The following WASHC4 variants were observed in gnomAD, a reference collection of about 807,000 sequenced individuals.
WASHC4 encodes the protein WASH complex subunit 7.
In WASHC4, 86 loss-of-function variants were observed where a neutral mutation model predicts 166.6. The ratio of observed to expected loss-of-function variants is 0.52; its 90% CI spans 0.43 to 0.62. WASHC4 has a LOEUF of 0.62. Among genes scored for constraint, WASHC4 ranks in the 20% least tolerant of loss-of-function variants. WASHC4 has a pLI of 0.00. For missense variants in WASHC4, 1,262 were observed against 1,382.4 expected (o/e 0.91, Z 1.38); for synonymous variants, 446 against 451.6 (o/e 0.99, Z 0.16).
rs200858049 is a variant in WASHC4, at chr12:105,147,077, G to A, written c.2445G>A (p.Leu815=). 14 of 1,610,834 alleles carry A rather than the reference G, an allele frequency of 8.7e-6. 1 individual carries two copies. ...AACGAACAAGCAATAACAAGCATTT[G>A]AATACTATTAATATTCGGCATATTG... ...FIERTSNNKH[L]NTINIRHIAN... is the part of the protein sequence containing the mutation. Residue 815 remains leucine, a synonymous_variant, in exon 24 of 33, where the codon TTG becomes TTA. Coordinates refer to ENST00000332180, the MANE Select transcript of WASHC4 (RefSeq NM_015275.3).
rs1463227832 is a variant in WASHC4, at chr12:105,149,650, C to T, written c.2550C>T (p.Phe850=). The change falls in exon 25 of 33, where the codon TTC becomes TTT. Residue 850 remains phenylalanine, a synonymous_variant. Transcript: ENST00000332180. Reference sequence around the variant, plus strand: ...CCTACCAGTTTTTGAAAAAGAAGTTCTATATATTTAGCCAATTTATGTATG... The same window carrying T: ...CCTACCAGTTTTTGAAAAAGAAGTTTTATATATTTAGCCAATTTATGTATG... The part of the protein sequence containing the change: ...NFTYQFLKKK[F]YIFSQFMYDE... 6.5e-7 allele frequency: 1 copy of T among 1,540,708 alleles called. No homozygotes were observed. The highest frequency in any genetic ancestry group is 1.1e-5 in the South Asian group (1 of 87,274).
At chr12:105,160,533 T>G (rs1447850597) in intron 29 of WASHC4, among the ~76,000 whole-genome samples, 1 of 152,018 alleles carries the variant, frequency 6.6e-6, no homozygotes, top group Non-Finnish European at 1.5e-5. Flanking sequence ...TTTTCTTTTT[T>G]AAGATATGGG....
intron 32 of WASHC4, among the ~76,000 whole-genome samples, chr12:105,166,073 A>G (rs995716361): frequency 2.0e-5 from 3 of 152,212 alleles, no homozygotes; most frequent in Admixed American, 2.0e-4. Context: ...CTTTCAGGCT[A>G]AAGCATTAAA....
chr12:105,108,289 TC>T (rs1396440004), intron 1 of WASHC4, among the ~76,000 whole-genome samples: 1 of 152,232 alleles, frequency 6.6e-6, no homozygotes, highest in Non-Finnish European at 1.5e-5. Flanking sequence ...TGTTTCGGTT[TC>T]CTGTTTTTCT....
At chr12:105,110,043 C>T (rs1191512695) in intron 1 of WASHC4, among the ~76,000 whole-genome samples, 1 of 152,136 alleles carries the variant, frequency 6.6e-6, no homozygotes, top group African/African-American at 2.4e-5. Context: ...AGAACACCTC[C>T]CTGTGCTTGG....
chr12:105,132,108 A>G (rs1881878637), intron 13 of WASHC4, among the ~76,000 whole-genome samples: 1 of 152,220 alleles, frequency 6.6e-6, no homozygotes, highest in Non-Finnish European at 1.5e-5. Flanking sequence ...AAGATTTTAA[A>G]AGAGTTGGTA....
chr12:105,113,935 A>G (rs1032827405), intron 2 of WASHC4, among the ~76,000 whole-genome samples: 3 of 152,052 alleles, frequency 2.0e-5, no homozygotes, highest in Non-Finnish European at 4.4e-5. Context: ...TAATAATGTT[A>G]CTATTACCTT....
intron 1 of WASHC4, among the ~76,000 whole-genome samples, chr12:105,108,308 C>T (rs576555147): frequency 6.6e-6 from 1 of 152,356 alleles, no homozygotes; most frequent in East Asian, 1.9e-4. Flanking sequence ...TCTTCTTTTC[C>T]TCCCAAATCA....
At chr12:105,111,379 G>A in intron 2 of WASHC4, 115 bp downstream of exon 2, 1 of 699,024 alleles carries the variant, frequency 1.4e-6, no homozygotes. Context: ...AGAACAAAAT[G>A]AAAGTTGGAG....
rs753137614 is a variant in WASHC4 at position 105,142,445 on chromosome 12, C to CA, written c.1788-7dup. Reference sequence around the variant, plus strand: ...TTTGGTGTGACTGATTACTACTTTACATTGTAGAGTCCAAACACAATGTGA... The same window carrying CA: ...TTTGGTGTGACTGATTACTACTTTACAATTGTAGAGTCCAAACACAATGTGA... On this transcript the variant is annotated splice_polypyrimidine_tract_variant and splice_region_variant and intron_variant, in intron 18 of 32. Transcript: ENST00000332180. The CA allele has an allele frequency of 3.9e-6, 6 of 1,543,198 alleles. No homozygotes were observed. The highest frequency in any genetic ancestry group is 2.2e-5 in the South Asian group (2 of 89,692).
intron 15 of WASHC4, 41 bp downstream of exon 15, chr12:105,138,052 A>C: frequency 6.3e-7 from 1 of 1,592,644 alleles, no homozygotes; most frequent in Non-Finnish European, 8.6e-7. Context: ...ATAATTGAGA[A>C]ATGACCCAGG....
intron 12 of WASHC4, 129 bp downstream of exon 12, chr12:105,126,491 G>C (rs1309769561): frequency 6.9e-6 from 5 of 724,348 alleles, no homozygotes; most frequent in Non-Finnish European, 1.1e-5. Flanking sequence ...TAAAATTCAA[G>C]TATTCCAGAA....
At position 105,122,114 on chromosome 12, in the gene WASHC4, C is replaced by T. The variant is rs1162821428; in HGVS notation, c.666-4C>T. ...TTAAGATGTTTCTCTTAATTTTCCTCAAGGTTACTGAAATCTGTCCATCAC... is the reference window on the plus strand; with the variant it reads ...TTAAGATGTTTCTCTTAATTTTCCTTAAGGTTACTGAAATCTGTCCATCAC... On this transcript the variant is annotated splice_region_variant and splice_polypyrimidine_tract_variant and intron_variant, in intron 9 of 32. Transcript: ENST00000332180. 10 of 1,589,676 alleles carry T rather than the reference C, an allele frequency of 6.3e-6. No individual in the cohort carries two copies. Among genetic ancestry groups the T allele is most frequent in the East Asian group, 2.2e-5 (1 of 44,626 alleles).
chr12:105,145,943 G>C (rs971530270), intron 22 of WASHC4, among the ~76,000 whole-genome samples: 18 of 152,208 alleles, frequency 1.2e-4, no homozygotes, highest in African/African-American at 4.3e-4. Flanking sequence ...CTGCTGCCTA[G>C]CTATTTTGCC....
chr12:105,151,596 C>A (rs920578659), intron 25 of WASHC4, among the ~76,000 whole-genome samples: 3 of 152,096 alleles, frequency 2.0e-5, no homozygotes, highest in African/African-American at 2.4e-5. Context: ...ATTCTCCTGC[C>A]TCAGCCCCCT....
intron 32 of WASHC4, among the ~76,000 whole-genome samples, chr12:105,165,075 ATG>A (rs1284503613): frequency 6.6e-6 from 1 of 152,226 alleles, no homozygotes; most frequent in Non-Finnish European, 1.5e-5. Context: ...GGACAGCTAA[ATG>A]TTGCTGAAGG....
At chr12:105,156,166 T>C (rs1884149367) in intron 26 of WASHC4, among the ~76,000 whole-genome samples, 1 of 152,192 alleles carries the variant, frequency 6.6e-6, no homozygotes. Flanking sequence ...CTTGAGCAAC[T>C]GAAAGGATAG....
At chr12:105,114,158 T>C in intron 2 of WASHC4, 58 bp from the exon 3 acceptor site, 1 of 1,516,412 alleles carries the variant, frequency 6.6e-7, no homozygotes, top group Non-Finnish European at 9.1e-7. Flanking sequence ...ATTTGTGTTT[T>C]TAAAATTTCA....
At position 105,146,506 on chromosome 12, in the gene WASHC4, C is replaced by T. The variant is rs1029962492; in HGVS notation, c.2389C>T (p.Leu797Phe). Residue 797 changes from leucine (L) to phenylalanine (F), a missense_variant, in exon 23 of 33, where the codon CTC becomes TTC. Leu to Phe is a conservative substitution (Grantham distance 22). Transcript: ENST00000332180. ...CATTCATATATTTGTGTCCCGATAC[C>T]TCTATAATCTCAACAATCAGGTGAG... ...RNIHIFVSRY[L>F]YNLNNQIFIE... 1 of 1,600,948 alleles carries T rather than the reference C, an allele frequency of 6.2e-7. No individual in the cohort carries two copies. The highest frequency in any genetic ancestry group is 8.6e-7 in the Non-Finnish European group (1 of 1,169,284).
Sources: allele counts gnomAD v4.1 joint callset (sites outside exome capture counted in the v4.1 genomes callset), GRCh38; gene constraint gnomAD v4.1.1; transcripts MANE v1.5; gene names NCBI Gene and HGNC (gene_info 2026-07-23, HGNC 2026-07-21).